The following CPLANE1 variants were observed in gnomAD, a reference collection of about 807,000 sequenced individuals.
CPLANE1 encodes ciliogenesis and planar polarity effector complex subunit 1.
In CPLANE1, 263 loss-of-function variants were observed where a neutral mutation model predicts 362.5. That is an observed-to-expected ratio of 0.73 (90% CI 0.66 to 0.80). The LOEUF is 0.80. Ranked by LOEUF, CPLANE1 falls within the 30% of genes least tolerant of loss-of-function variation. The probability of loss-of-function intolerance (pLI) is 0.00; values close to 1 mark genes in which losing one functional copy is unlikely to be tolerated. For missense variants in CPLANE1, 3,461 were observed against 3,793.4 expected (o/e 0.91, Z 2.30); for synonymous variants, 1,212 against 1,302.6 (o/e 0.93, Z 1.50).
At chr5:37,124,919 C>T in intron 47 of CPLANE1, 12 of 1,071,136 alleles carry the variant, frequency 1.1e-5, no homozygotes, top group African/African-American at 1.7e-5. Flanking sequence ...TCGCAACTGC[C>T]AATGACTCTC....
chr5:37,114,472 G>T (rs1760305042), intron 51 of CPLANE1, among the ~76,000 whole-genome samples: 1 of 152,200 alleles, frequency 6.6e-6, no homozygotes, highest in Non-Finnish European at 1.5e-5. Context: ...TTTGCGTAAG[G>T]TTACAGAGTA....
At chr5:37,098,500 T>C in the CPLANE1 span, among the ~76,000 whole-genome samples, 2 of 151,940 alleles carry the variant, frequency 1.3e-5, no homozygotes, top group Non-Finnish European at 2.9e-5. Context: ...AATTTCACTT[T>C]AGACCAAATG....
intron 4 of CPLANE1, among the ~76,000 whole-genome samples, chr5:37,245,213 C>G (rs1470898593): frequency 6.8e-6 from 1 of 147,552 alleles, no homozygotes; most frequent in Non-Finnish European, 1.5e-5. Context: ...TATTAGAAAC[C>G]TATTATTATC....
chr5:37,102,220 C>T (rs1199583888), downstream of CPLANE1, among the ~76,000 whole-genome samples: 1 of 152,042 alleles, frequency 6.6e-6, no homozygotes, highest in Admixed American at 6.6e-5. Context: ...TGGAGTCTCG[C>T]TCTGTTGCCC....
chr5:37,183,855 G>A (rs1019876580), intron 25 of CPLANE1, among the ~76,000 whole-genome samples, 156 bp from the exon 26 acceptor site: 1 of 152,092 alleles, frequency 6.6e-6, no homozygotes, highest in Non-Finnish European at 1.5e-5. Context: ...GGGACTAAAT[G>A]ATTTCTAAGT....
At chr5:37,114,774 C>A (rs550621053) in intron 51 of CPLANE1, among the ~76,000 whole-genome samples, 186 bp downstream of exon 51, 25 of 152,006 alleles carry the variant, frequency 1.6e-4, no homozygotes, top group African/African-American at 5.8e-4. Context: ...GTGGTGGGCA[C>A]CTGTAATCCC....
intron 36 of CPLANE1, 134 bp downstream of exon 36, chr5:37,165,405 A>C (rs1431254021): frequency 6.1e-6 from 5 of 820,386 alleles, no homozygotes. Context: ...GCAGGGACTG[A>C]TATACTGAAT....
chr5:37,087,669 G>T, the CPLANE1 span, among the ~76,000 whole-genome samples: 1 of 152,174 alleles, frequency 6.6e-6, no homozygotes, highest in Non-Finnish European at 1.5e-5. Context: ...TGTTAGCCAG[G>T]ATGGTCTCAA....
intron 37 of CPLANE1, among the ~76,000 whole-genome samples, chr5:37,163,753 G>A (rs980219003): frequency 1.3e-5 from 2 of 152,108 alleles, no homozygotes; most frequent in African/African-American, 4.8e-5. Flanking sequence ...GATAGCTTCA[G>A]CATAGGCCCT....
At position 37,171,425 on chromosome 5, in the gene CPLANE1, C is replaced by T. The variant is rs1462873097; in HGVS notation, c.6172-1094G>A. ...ATAGGGATCTGAGAATTTGTATTTC[C>T]AAAGTCTAAGTGATGCTGATACTAC... On this transcript the variant is annotated intron_variant, in intron 32 of 52. Transcript: ENST00000651892. Among the ~76,000 whole-genome samples, 3 of 152,154 alleles carry T rather than the reference C, an allele frequency of 2.0e-5. No individual in the cohort carries two copies. In the East Asian group the frequency reaches 5.8e-4, roughly 29 times the overall value.
chr5:37,200,425 GC>G (rs1254692813), intron 19 of CPLANE1, among the ~76,000 whole-genome samples: 1 of 152,226 alleles, frequency 6.6e-6, no homozygotes, highest in East Asian at 1.9e-4. Context: ...AGACTCAGAT[GC>G]AAGAGGAAAG....
chr5:37,232,400 C>G (rs1340043525), intron 8 of CPLANE1, among the ~76,000 whole-genome samples: 1 of 151,774 alleles, frequency 6.6e-6, no homozygotes, highest in Admixed American at 6.6e-5. Flanking sequence ...CACCTGTAAT[C>G]CCAGCTACTC....
intron 36 of CPLANE1, among the ~76,000 whole-genome samples, chr5:37,165,132 A>T (rs569409178): frequency 2.6e-5 from 4 of 152,214 alleles, no homozygotes; most frequent in East Asian, 1.9e-4. Context: ...ATTAAATTTT[A>T]AAAAAAGACG....
chr5:37,233,631 TTGGGTCCCAGTGGG>T lies in CPLANE1; in HGVS notation c.939-2596_939-2583del, dbSNP rs548988019. Among the ~76,000 whole-genome samples, 433 of 152,070 alleles carry T rather than the reference TTGGGTCCCAGTGGG, an allele frequency of 2.8e-3. 1 individual carries two copies. Among genetic ancestry groups the T allele is most frequent in the Admixed American group, 5.9e-3 (90 of 15,268 alleles). ...TTCCAGTAACTCCAACATGGACTAC[TTGGGTCCCAGTGGG>T]TTGCTTCACCACTACTACTGCCATC... On this transcript the variant is annotated intron_variant, in intron 8 of 52. Coordinates refer to ENST00000651892, the MANE Select transcript of CPLANE1 (RefSeq NM_001384732.1).
At chr5:37,186,426 G>C (rs1484682228) in intron 23 of CPLANE1, 32 bp from the exon 24 acceptor site, 3 of 933,562 alleles carry the variant, frequency 3.2e-6, no homozygotes, top group South Asian at 2.8e-5. Context: ...AGTTTTATGA[G>C]AAACATCATT....
the CPLANE1 span, among the ~76,000 whole-genome samples, chr5:37,092,110 T>A: frequency 3.3e-5 from 5 of 152,208 alleles, no homozygotes; most frequent in African/African-American, 1.2e-4. Context: ...GGCTCTTATC[T>A]TAGACCCGCC....
chr5:37,080,975 C>T, the CPLANE1 span, among the ~76,000 whole-genome samples: 1 of 152,140 alleles, frequency 6.6e-6, no homozygotes, highest in African/African-American at 2.4e-5. Flanking sequence ...TCAGAACAAG[C>T]CAACAGAATT....
At chr5:37,236,894 C>A (rs1010593898) in intron 8 of CPLANE1, among the ~76,000 whole-genome samples, 1 of 151,836 alleles carries the variant, frequency 6.6e-6, no homozygotes, top group Non-Finnish European at 1.5e-5. Flanking sequence ...ATGGCTATTA[C>A]TAAAAAGTCA....
At chr5:37,139,497 G>T (rs1484719982) in intron 44 of CPLANE1, 127 bp from the exon 45 acceptor site, 11 of 1,078,152 alleles carry the variant, frequency 1.0e-5, no homozygotes, top group Non-Finnish European at 1.2e-5. Context: ...TTGGTTTATA[G>T]ATATATATTT....
Sources: allele counts gnomAD v4.1 joint callset (sites outside exome capture counted in the v4.1 genomes callset), GRCh38; gene constraint gnomAD v4.1.1; transcripts MANE v1.5; gene names NCBI Gene and HGNC (gene_info 2026-07-23, HGNC 2026-07-21).